The following NCAM1 variants were observed in gnomAD, a reference collection of about 807,000 sequenced individuals.
The protein encoded by NCAM1 is antigen recognized by monoclonal antibody 5.1H11.
A neutral mutation model predicts 109.8 loss-of-function variants in NCAM1; 14 were observed. The observed-to-expected ratio is 0.13, with a 90% confidence interval of 0.08 to 0.20. NCAM1 has a LOEUF of 0.20. Among genes scored for constraint, NCAM1 ranks in the 10% least tolerant of loss-of-function variants. NCAM1 has a pLI of 1.00. For synonymous variants in NCAM1, 418 were observed against 442.9 expected (o/e 0.94, Z 0.70); for missense variants, 774 against 1,109.9 (o/e 0.70, Z 4.30).
chr11:113,134,473 GATGA>G (rs1169559967), intron 1 of NCAM1, among the ~76,000 whole-genome samples: 1 of 152,076 alleles, frequency 6.6e-6, no homozygotes, highest in African/African-American at 2.4e-5. Context: ...CTTTTGATTG[GATGA>G]ATGGATGGAT....
intron 1 of NCAM1, among the ~76,000 whole-genome samples, chr11:113,008,718 T>C (rs1177212871): frequency 6.6e-6 from 1 of 152,200 alleles, no homozygotes; most frequent in Non-Finnish European, 1.5e-5. Flanking sequence ...TCGATTTCTG[T>C]AGTGATTTTA....
chr11:113,074,509 T>A (rs1187502505), intron 1 of NCAM1, among the ~76,000 whole-genome samples: 3 of 152,226 alleles, frequency 2.0e-5, no homozygotes, highest in African/African-American at 7.2e-5. Context: ...CAAATAGCAC[T>A]TTCTTTGATG....
intron 1 of NCAM1, among the ~76,000 whole-genome samples, chr11:113,071,866 T>A (rs936763114): frequency 3.9e-5 from 6 of 152,138 alleles, no homozygotes; most frequent in African/African-American, 1.4e-4. Flanking sequence ...GTTTGCCAGT[T>A]AGACACCGTG....
intron 1 of NCAM1, among the ~76,000 whole-genome samples, chr11:113,166,784 T>C (rs1444365959): frequency 6.6e-6 from 1 of 152,104 alleles, no homozygotes; most frequent in African/African-American, 2.4e-5. Context: ...AAAAAAACAC[T>C]GGCTCTATTC....
chr11:113,046,912 T>TA (rs1953289594), intron 1 of NCAM1, among the ~76,000 whole-genome samples: 1 of 150,086 alleles, frequency 6.7e-6, no homozygotes, highest in South Asian at 2.1e-4. Context: ...GGAAGAAAGA[T>TA]GATAGATAGA....
intron 1 of NCAM1, among the ~76,000 whole-genome samples, chr11:113,000,688 G>T (rs1951723370): frequency 6.6e-6 from 1 of 151,804 alleles, no homozygotes; most frequent in Non-Finnish European, 1.5e-5. Context: ...GTGTTCTGTG[G>T]TTAATGCCCT....
intron 1 of NCAM1, among the ~76,000 whole-genome samples, chr11:113,029,464 T>A (rs1368734108): frequency 1.3e-5 from 2 of 152,218 alleles, no homozygotes; most frequent in Non-Finnish European, 2.9e-5. Context: ...ATATGCACAT[T>A]TTAAGCAATT....
At position 113,156,879 on chromosome 11, in the gene NCAM1, G is replaced by A. The variant is rs1283839465; in HGVS notation, c.53-45500G>A. 2.6e-5 allele frequency among the ~76,000 whole-genome samples: 4 copies of A among 152,196 alleles called. No homozygotes were observed. In the East Asian group the frequency reaches 7.7e-4, roughly 29 times the overall value. On this transcript the variant is annotated intron_variant, in intron 1 of 19. Transcript: ENST00000316851. ...TTCAACATTCTTGTTAAAGGAGAAG[G>A]TAGGCATCTCCACATGGAAGGCTTG...
At chr11:113,053,182 T>G (rs2135419500) in intron 1 of NCAM1, among the ~76,000 whole-genome samples, 1 of 152,252 alleles carries the variant, frequency 6.6e-6, no homozygotes, top group East Asian at 1.9e-4. Context: ...CCTGCATTAG[T>G]TTGCTGAGGA....
At chr11:113,205,226 A>G (rs959449079) in intron 3 of NCAM1, among the ~76,000 whole-genome samples, 1 of 152,196 alleles carries the variant, frequency 6.6e-6, no homozygotes, top group Non-Finnish European at 1.5e-5. Flanking sequence ...CTTCACTGGC[A>G]TCATCCTGCA....
At chr11:113,236,459 A>C in intron 14 of NCAM1, 1 of 865,134 alleles carries the variant, frequency 1.2e-6, no homozygotes, top group South Asian at 1.5e-5. Context: ...CACTGACCTT[A>C]GTCTAGTTGT....
intron 1 of NCAM1, among the ~76,000 whole-genome samples, chr11:112,972,394 AATG>A (rs1466562954): frequency 6.6e-6 from 1 of 152,168 alleles, no homozygotes; most frequent in Non-Finnish European, 1.5e-5. Context: ...TAGCACACAG[AATG>A]ATATCTTGCC....
At chr11:113,227,861 A>G (rs2137179362) in intron 9 of NCAM1, among the ~76,000 whole-genome samples, 1 of 152,350 alleles carries the variant, frequency 6.6e-6, no homozygotes, top group East Asian at 1.9e-4. Context: ...GATGCAGAAA[A>G]GGCCTTTGAT....
chr11:113,275,474 G>T lies in NCAM1; in HGVS notation c.*87G>T. 2.0e-6 allele frequency: 3 copies of T among 1,468,436 alleles called. No individual in the cohort carries two copies. The highest frequency in any genetic ancestry group is 2.8e-6 in the Non-Finnish European group (3 of 1,078,474). 91.0% of individuals were successfully genotyped at this position (1,468,436 alleles called of 1,614,324 possible). A position where few individuals can be genotyped will look rare whatever the true frequency, so the allele number is the denominator to read the frequency against. ...TTTCCAACACCACAGACACACACAC[G>T]CACGCACACACACAAACACACATGC... On this transcript the variant is annotated 3_prime_UTR_variant, in exon 20 of 20. Transcript: ENST00000316851.
intron 1 of NCAM1, among the ~76,000 whole-genome samples, chr11:113,150,190 A>C (rs1190303765): frequency 2.6e-5 from 4 of 152,266 alleles, no homozygotes; most frequent in Non-Finnish European, 5.9e-5. Context: ...TTTAGGAAAG[A>C]CCAATTTTGG....
intron 1 of NCAM1, among the ~76,000 whole-genome samples, chr11:113,121,007 T>C (rs934603705): frequency 1.9e-4 from 29 of 152,120 alleles, no homozygotes; most frequent in Admixed American, 1.4e-3. Flanking sequence ...CTCTGTGATA[T>C]GAGTTTTCAT....
intron 1 of NCAM1, among the ~76,000 whole-genome samples, chr11:113,045,441 C>T (rs1464356681): frequency 1.3e-5 from 2 of 152,148 alleles, no homozygotes; most frequent in Non-Finnish European, 1.5e-5. Context: ...GAAATGCACT[C>T]AGACATCTTG....
At chr11:113,104,423 T>C (rs939798545) in intron 1 of NCAM1, among the ~76,000 whole-genome samples, 1 of 152,012 alleles carries the variant, frequency 6.6e-6, no homozygotes, top group Admixed American at 6.6e-5. Context: ...AAAAAGATCA[T>C]GATGAAATAT....
At chr11:113,263,888 T>C (rs1946075194) in intron 17 of NCAM1, 1 of 985,268 alleles carries the variant, frequency 1.0e-6, no homozygotes, top group African/African-American at 1.7e-5. Flanking sequence ...CCCAGGAGGG[T>C]TAATAAATTG....
Sources: gnomAD v4.1 joint callset for allele counts (sites outside exome capture counted in the v4.1 genomes callset) on GRCh38, gnomAD v4.1.1 for gene constraint, MANE v1.5 for transcripts, NCBI Gene and HGNC (gene_info 2026-07-23, HGNC 2026-07-21) for gene names.